The following CCSER1 variants were observed in gnomAD, a reference collection of about 807,000 sequenced individuals.
CCSER1 encodes the protein serine-rich coiled-coil domain-containing protein 1.
In CCSER1, 41 loss-of-function variants were observed where a neutral mutation model predicts 82.0. The observed-to-expected ratio is 0.50, with a 90% CI of 0.39 to 0.65. The LOEUF is 0.65. CCSER1 is among the 30% of genes least tolerant of loss of function. The pLI is 0.00. For synonymous variants in CCSER1, 414 were observed against 383.9 expected, an observed-to-expected ratio of 1.08 and a Z score of -0.92; for missense variants, 1,119 against 1,064.2, an observed-to-expected ratio of 1.05 and a Z score of -0.72.
chr4:91,042,251 A>G (rs1347646693), intron 9 of CCSER1, among the ~76,000 whole-genome samples: 4 of 152,238 alleles, frequency 2.6e-5, no homozygotes, highest in Admixed American at 2.0e-4. Context: ...TGTTGGCTTT[A>G]TAAGTGTTTG....
intron 6 of CCSER1, among the ~76,000 whole-genome samples, chr4:90,701,520 G>A (rs1408308754): frequency 6.6e-6 from 1 of 152,072 alleles, no homozygotes. Context: ...AATTCTGTGA[G>A]GAAAGTCATT....
intron 5 of CCSER1, among the ~76,000 whole-genome samples, chr4:90,615,583 G>A (rs924542355): frequency 3.3e-5 from 5 of 152,102 alleles, no homozygotes; most frequent in Non-Finnish European, 7.4e-5. Context: ...GAAACACCAA[G>A]AGAACTAGAA....
chr4:91,154,788 T>C (rs780337063), intron 10 of CCSER1, among the ~76,000 whole-genome samples: 7 of 152,012 alleles, frequency 4.6e-5, no homozygotes, highest in Non-Finnish European at 1.0e-4. Context: ...TTTAAAAATA[T>C]TGATGCCTGA....
At chr4:90,741,094 A>C (rs147781314) in intron 7 of CCSER1, among the ~76,000 whole-genome samples, 33 of 152,316 alleles carry the variant, frequency 2.2e-4, no homozygotes, top group African/African-American at 7.5e-4. Context: ...GGTACAGAAC[A>C]TGGGAAGAGT....
intron 10 of CCSER1, among the ~76,000 whole-genome samples, chr4:91,585,351 T>C (rs1763937332): frequency 6.6e-6 from 1 of 151,436 alleles, no homozygotes; most frequent in African/African-American, 2.4e-5. Context: ...CTCAATCCCT[T>C]CCTTTTTTCA....
chr4:90,312,700 T>C (rs1280170642), intron 2 of CCSER1, among the ~76,000 whole-genome samples, 163 bp from the exon 3 acceptor site: 1 of 152,208 alleles, frequency 6.6e-6, no homozygotes, highest in African/African-American at 2.4e-5. Context: ...TCAAAGAGAT[T>C]ACATGATTAA....
chr4:90,187,254 G>A (rs1734769381), intron 1 of CCSER1, among the ~76,000 whole-genome samples: 4 of 151,628 alleles, frequency 2.6e-5, no homozygotes. Flanking sequence ...AAAAAACACT[G>A]CATCATAGAT....
At chr4:90,762,959 A>G (rs1349942309) in intron 7 of CCSER1, among the ~76,000 whole-genome samples, 1 of 152,050 alleles carries the variant, frequency 6.6e-6, no homozygotes, top group Non-Finnish European at 1.5e-5. Flanking sequence ...TGACAATGGA[A>G]GCAGAGATTG....
chr4:91,332,160 T>A (rs963303302), intron 10 of CCSER1, among the ~76,000 whole-genome samples: 2 of 152,092 alleles, frequency 1.3e-5, no homozygotes, highest in African/African-American at 4.8e-5. Context: ...TTATAATTAA[T>A]CTTATTTTCA....
intron 8 of CCSER1, among the ~76,000 whole-genome samples, chr4:90,879,044 T>C (rs1720803708): frequency 6.6e-6 from 1 of 152,134 alleles, no homozygotes; most frequent in Non-Finnish European, 1.5e-5. Flanking sequence ...CCTCCAGAGG[T>C]TTTGCTCCCT....
chr4:90,914,469 A>C (rs979375291), intron 8 of CCSER1, among the ~76,000 whole-genome samples: 1 of 152,198 alleles, frequency 6.6e-6, no homozygotes, highest in African/African-American at 2.4e-5. Flanking sequence ...ACAACAAACT[A>C]GAATCTCTGG....
intron 1 of CCSER1, among the ~76,000 whole-genome samples, chr4:90,212,426 T>C (rs1740202135): frequency 6.6e-6 from 1 of 152,204 alleles, no homozygotes; most frequent in South Asian, 2.1e-4. Flanking sequence ...ACTTTCTCTG[T>C]TTTTATTCAC....
intron 7 of CCSER1, among the ~76,000 whole-genome samples, chr4:90,806,495 A>G (rs577215848): frequency 1.1e-3 from 165 of 152,332 alleles, no homozygotes; most frequent in African/African-American, 3.9e-3. Context: ...TTAATTGTTC[A>G]ACAAAAACAA....
intron 5 of CCSER1, among the ~76,000 whole-genome samples, chr4:90,537,310 A>G (rs1037295820): frequency 1.1e-4 from 16 of 151,516 alleles, no homozygotes; most frequent in African/African-American, 3.9e-4. Context: ...TGACCCTTTT[A>G]CTTTTTTATA....
At chr4:90,845,398 A>G (rs906482458) in intron 8 of CCSER1, among the ~76,000 whole-genome samples, 5 of 151,874 alleles carry the variant, frequency 3.3e-5, no homozygotes, top group African/African-American at 1.2e-4. Flanking sequence ...TGTTGAGTGA[A>G]TGAAATAGAT....
intron 10 of CCSER1, among the ~76,000 whole-genome samples, chr4:91,146,091 C>T (rs1184937996): frequency 6.6e-6 from 1 of 152,164 alleles, no homozygotes; most frequent in African/African-American, 2.4e-5. Flanking sequence ...TCTGTACAAT[C>T]ACATATTTCT....
intron 10 of CCSER1, among the ~76,000 whole-genome samples, chr4:91,420,297 G>C (rs1177345310): frequency 6.6e-6 from 1 of 152,080 alleles, no homozygotes; most frequent in Non-Finnish European, 1.5e-5. Context: ...CTATATGTCT[G>C]ATAATTGGTT....
At chr4:90,443,706 A>AT (rs946196370) in intron 4 of CCSER1, among the ~76,000 whole-genome samples, 14 of 152,032 alleles carry the variant, frequency 9.2e-5, no homozygotes, top group African/African-American at 3.4e-4. Context: ...ATAAAATATG[A>AT]TTTTTCATAC....
At chr4:90,389,281 A>G (rs2153537072) in intron 3 of CCSER1, among the ~76,000 whole-genome samples, 1 of 152,334 alleles carries the variant, frequency 6.6e-6, no homozygotes, top group East Asian at 1.9e-4. Context: ...TGACATGACA[A>G]CTTTAGGGAA....
Sources: gnomAD v4.1 joint callset for allele counts (sites outside exome capture counted in the v4.1 genomes callset) on GRCh38, gnomAD v4.1.1 for gene constraint, MANE v1.5 for transcripts, NCBI Gene and HGNC (gene_info 2026-07-23, HGNC 2026-07-21) for gene names.